Variants in UBR1 observed in about 807,000 individuals in gnomAD.
The protein encoded by UBR1 is ubiquitin protein ligase E3 component n-recognin 1.
A neutral mutation model predicts 242.1 loss-of-function variants in UBR1; 102 were observed. The observed-to-expected ratio is 0.42, with a 90% CI of 0.36 to 0.50. The LOEUF (loss-of-function observed/expected upper bound fraction) is 0.50. UBR1 is among the 20% of genes least tolerant of loss of function. The pLI is 0.01. For missense variants in UBR1, 1,772 were observed against 2,101.8 expected (o/e 0.84, Z 3.07); for synonymous variants, 675 against 684.8 (o/e 0.99, Z 0.22).
chr15:43,072,475 G>A (rs2033834836), intron 4 of UBR1, among the ~76,000 whole-genome samples: 1 of 152,202 alleles, frequency 6.6e-6, no homozygotes, highest in Non-Finnish European at 1.5e-5. Context: ...TCTGCAAACA[G>A]AGCTAGTTTT....
chr15:43,077,044 C>T (rs2033913379), intron 3 of UBR1, among the ~76,000 whole-genome samples: 1 of 94,732 alleles, frequency 1.1e-5, no homozygotes, highest in African/African-American at 3.7e-5. Context: ...GTCAGCCCCC[C>T]GCCCGGCCAG....
At chr15:43,002,904 T>C (rs971061628) in intron 31 of UBR1, among the ~76,000 whole-genome samples, 200 bp from the exon 32 acceptor site, 10 of 152,164 alleles carry the variant, frequency 6.6e-5, no homozygotes, top group Non-Finnish European at 1.2e-4. Flanking sequence ...AATTGGAAAA[T>C]ACATCAGAGC....
chr15:43,101,001 A>G (rs977218012), intron 1 of UBR1, among the ~76,000 whole-genome samples: 7 of 152,234 alleles, frequency 4.6e-5, no homozygotes, highest in African/African-American at 7.2e-5. Context: ...GCTTTGACAG[A>G]GAATAAGAGG....
At position 42,944,821 on chromosome 15, in the gene UBR1, G is replaced by A. The variant is rs148759921; in HGVS notation, c.*508C>T. 7.3e-3 allele frequency: 1,286 copies of A among 176,736 alleles called. 15 individuals are homozygous for A. Among genetic ancestry groups the A allele is most frequent in the African/African-American group, 0.029 (1,216 of 41,730 alleles). The allele number at this position is 176,736 out of a possible 1,614,324, so 10.9% of individuals were successfully genotyped here. A position where few individuals can be genotyped will look rare whatever the true frequency, so the allele number is the denominator to read the frequency against. The stretch of plus-strand genomic sequence containing the variant: ...GCACATTAGGGGTATTTCCTTAAAA[G>A]AGAAATAATAAAAAATTTATTTTTG... On this transcript the variant is annotated 3_prime_UTR_variant, in exon 47 of 47. Coordinates refer to ENST00000290650, the MANE Select transcript of UBR1 (RefSeq NM_174916.3).
chr15:43,005,281 G>T (rs888550983), intron 30 of UBR1, among the ~76,000 whole-genome samples: 1 of 150,220 alleles, frequency 6.7e-6, no homozygotes, highest in Non-Finnish European at 1.5e-5. Context: ...CCCCTTCCGG[G>T]AGGGAGGTGG....
intron 42 of UBR1, 21 bp from the exon 43 acceptor site, chr15:42,960,722 A>T: frequency 6.2e-7 from 1 of 1,612,848 alleles, no homozygotes; most frequent in Non-Finnish European, 8.5e-7. Context: ...AGCCAAGAGA[A>T]AAGACAAATG....
At chr15:43,005,902 G>C (rs1482368700) in intron 30 of UBR1, among the ~76,000 whole-genome samples, 1 of 149,414 alleles carries the variant, frequency 6.7e-6, no homozygotes, top group Non-Finnish European at 1.5e-5. Flanking sequence ...TGCTCGTTAA[G>C]AGTCATCACC....
chr15:43,025,125 C>T, intron 24 of UBR1, 142 bp from the exon 25 acceptor site: 2 of 1,076,056 alleles, frequency 1.9e-6, no homozygotes, highest in Admixed American at 2.5e-5. Flanking sequence ...CTTTCCAGTA[C>T]TGAAAATATC....
At chr15:42,952,186 G>T in intron 45 of UBR1, 92 bp downstream of exon 45, 3 of 1,466,418 alleles carry the variant, frequency 2.0e-6, no homozygotes, top group South Asian at 1.1e-5. Flanking sequence ...TTGATTATTT[G>T]CTATCAACAC....
chr15:43,076,524 GTC>G (rs772606262), intron 3 of UBR1, among the ~76,000 whole-genome samples: 172 of 142,704 alleles, frequency 1.2e-3, no homozygotes, highest in Admixed American at 3.2e-3. Context: ...GCCGCCCATC[GTC>G]TGAGATGTGG....
At chr15:42,959,046 G>A (rs894702032) in intron 43 of UBR1, among the ~76,000 whole-genome samples, 5 of 152,044 alleles carry the variant, frequency 3.3e-5, no homozygotes, top group Admixed American at 2.0e-4. Context: ...GGTCAGGCTG[G>A]TCTCGAACTC....
chr15:43,066,181 A>T (rs931995824), intron 6 of UBR1, among the ~76,000 whole-genome samples: 3 of 152,204 alleles, frequency 2.0e-5, no homozygotes, highest in Admixed American at 1.3e-4. Flanking sequence ...AATTTTCTGC[A>T]TATGGCTAGC....
chr15:43,056,995 A>G (rs916682559), intron 10 of UBR1, among the ~76,000 whole-genome samples: 1 of 152,180 alleles, frequency 6.6e-6, no homozygotes, highest in Non-Finnish European at 1.5e-5. Context: ...ACTCAGTCAC[A>G]TAATAGGCAT....
chr15:43,068,022 C>T lies in UBR1; in HGVS notation c.674G>A (p.Arg225Lys). 2 of 1,590,356 alleles carry T rather than the reference C, an allele frequency of 1.3e-6. No homozygotes were observed. Among genetic ancestry groups the T allele is most frequent in the Non-Finnish European group, 1.7e-6 (2 of 1,167,950 alleles). Residue 225 changes from arginine (R) to lysine (K), a missense_variant, in exon 6 of 47, where the codon AGA becomes AAA. Arg to Lys is a conservative substitution (Grantham distance 26). Coordinates refer to ENST00000290650, the MANE Select transcript of UBR1 (RefSeq NM_174916.3). ...PELQIREKNE[R>K]YYCVLFNDEH... The stretch of plus-strand genomic sequence containing the variant: ...ATCATTGAAAAGGACACAATAGTAT[C>T]TTTCATTTTTCTCCCTGTTAGAAAA...
intron 3 of UBR1, among the ~76,000 whole-genome samples, chr15:43,082,053 T>C (rs1330438744): frequency 1.3e-5 from 2 of 152,102 alleles, no homozygotes; most frequent in East Asian, 3.8e-4. Context: ...ATAACAAAAT[T>C]TTATTTTTAT....
chr15:43,102,583 C>T (rs978755206), intron 1 of UBR1, among the ~76,000 whole-genome samples: 3 of 152,120 alleles, frequency 2.0e-5, no homozygotes, highest in Admixed American at 6.5e-5. Context: ...AAAATCTAGT[C>T]GAGGAAGACA....
At chr15:43,040,912 A>C (rs2033409572) in intron 15 of UBR1, among the ~76,000 whole-genome samples, 2 of 152,206 alleles carry the variant, frequency 1.3e-5, no homozygotes. Flanking sequence ...CACACCAGTT[A>C]GAATGGCGAT....
rs1373003825 is a variant in UBR1, at chr15:43,076,742, G to A, written c.418-1653C>T. 2.1e-3 allele frequency among the ~76,000 whole-genome samples: 295 copies of A among 143,864 alleles called. 4 individuals carry two copies. Among genetic ancestry groups the A allele is most frequent in the African/African-American group, 7.2e-3 (279 of 38,588 alleles). The allele number at this position is 143,864 out of a possible 152,430, so 94.4% of individuals were successfully genotyped here. A position where few individuals can be genotyped will look rare whatever the true frequency, so the allele number is the denominator to read the frequency against. On this transcript the variant is annotated intron_variant, in intron 3 of 46. Transcript: ENST00000290650. The stretch of plus-strand genomic sequence containing the variant: ...CGTCTGGGAAGTGAGGAGCGTCTCC[G>A]CCTGGCAGCCACCGCGTCCGGGAGG...
chr15:42,947,719 A>G (rs560494361), intron 46 of UBR1, among the ~76,000 whole-genome samples: 7 of 152,346 alleles, frequency 4.6e-5, no homozygotes, highest in African/African-American at 1.7e-4. Context: ...TAGGAATCCA[A>G]CTTACAAGGG....
Sources: allele counts gnomAD v4.1 joint callset (sites outside exome capture counted in the v4.1 genomes callset), GRCh38; gene constraint gnomAD v4.1.1; transcripts MANE v1.5; gene names NCBI Gene and HGNC (gene_info 2026-07-23, HGNC 2026-07-21).